The following NRXN3 variants were observed in gnomAD, a reference collection of about 807,000 sequenced individuals.
NRXN3 encodes neurexin III.
In NRXN3, 32 loss-of-function variants were observed where a neutral mutation model predicts 137.6. The ratio of observed to expected loss-of-function variants is 0.23; its 90% CI spans 0.18 to 0.31. The LOEUF (loss-of-function observed/expected upper bound fraction) is 0.31, where lower values mean the gene tolerates loss of function less well. Ranked by LOEUF, NRXN3 falls within the 10% of genes least tolerant of loss-of-function variation. The pLI is 1.00. For synonymous variants in NRXN3, 798 were observed against 784.5 expected (o/e 1.02, Z -0.29); for missense variants, 1,574 against 2,062.5 (o/e 0.76, Z 4.59).
At chr14:78,720,786 T>C (rs2098456200) in intron 8 of NRXN3, among the ~76,000 whole-genome samples, 1 of 152,230 alleles carries the variant, frequency 6.6e-6, no homozygotes, top group African/African-American at 2.4e-5. Flanking sequence ...TTAAAATTTC[T>C]ATATTCTCAA....
At chr14:78,341,982 G>T (rs1182550134) in intron 4 of NRXN3, among the ~76,000 whole-genome samples, 1 of 152,172 alleles carries the variant, frequency 6.6e-6, no homozygotes, top group Non-Finnish European at 1.5e-5. Flanking sequence ...TACACGTAAG[G>T]TGTGCTTGCC....
chr14:79,296,098 T>C (rs548360696), intron 15 of NRXN3, among the ~76,000 whole-genome samples: 4 of 152,266 alleles, frequency 2.6e-5, no homozygotes, highest in African/African-American at 9.6e-5. Flanking sequence ...TTGATGGTGA[T>C]TGTTTTCCTC....
At chr14:78,533,014 A>G (rs1374687487) in intron 4 of NRXN3, among the ~76,000 whole-genome samples, 4 of 149,474 alleles carry the variant, frequency 2.7e-5, no homozygotes, top group Non-Finnish European at 5.9e-5. Flanking sequence ...TTCTGCTACC[A>G]CTGCCTATAT....
At position 79,126,287 on chromosome 14, in the gene NRXN3, C is replaced by T. The variant is rs543937633; in HGVS notation, c.3262+138146C>T. 2.2e-4 allele frequency among the ~76,000 whole-genome samples: 33 copies of T among 152,080 alleles called. No homozygotes were observed. In the East Asian group the frequency reaches 3.7e-3, roughly 17 times the overall value. ...TGCGCTGCACCCACTAACTCGTCAT[C>T]TAGCATTAGGTATATCTCCCAATGC... On this transcript the variant is annotated intron_variant, in intron 15 of 20. Coordinates refer to ENST00000335750, the MANE Select transcript of NRXN3 (RefSeq NM_001330195.2).
intron 15 of NRXN3, among the ~76,000 whole-genome samples, chr14:79,228,483 C>T (rs2071490837): frequency 6.6e-6 from 1 of 152,110 alleles, no homozygotes; most frequent in South Asian, 2.1e-4. Context: ...TTGACTAAGA[C>T]AAAAGTTTAA....
At chr14:78,424,946 C>T (rs1021214385) in intron 4 of NRXN3, among the ~76,000 whole-genome samples, 1 of 152,212 alleles carries the variant, frequency 6.6e-6, no homozygotes, top group Non-Finnish European at 1.5e-5. Flanking sequence ...ATACTCTGGA[C>T]TCCTGTTGTG....
chr14:79,601,028 T>C (rs540443491), intron 16 of NRXN3, among the ~76,000 whole-genome samples: 19 of 150,880 alleles, frequency 1.3e-4, no homozygotes, highest in East Asian at 1.2e-3. Flanking sequence ...TTCTTGTTTT[T>C]TTCTTTGTTG....
At chr14:79,382,487 G>T (rs531738642) in intron 15 of NRXN3, among the ~76,000 whole-genome samples, 1 of 152,212 alleles carries the variant, frequency 6.6e-6, no homozygotes, top group African/African-American at 2.4e-5. Context: ...TGTTCTGTCA[G>T]TCGGTTGTCT....
chr14:79,490,163 A>C (rs547987931), intron 16 of NRXN3, among the ~76,000 whole-genome samples: 1 of 152,316 alleles, frequency 6.6e-6, no homozygotes, highest in East Asian at 1.9e-4. Flanking sequence ...ATAGGCAATA[A>C]CAAATGCTGG....
At chr14:78,873,661 C>T (rs967893239) in intron 10 of NRXN3, among the ~76,000 whole-genome samples, 2 of 152,168 alleles carry the variant, frequency 1.3e-5, no homozygotes, top group Non-Finnish European at 2.9e-5. Context: ...GCAGCAAAAG[C>T]ATATTTTTAG....
At chr14:79,742,352 T>C (rs973733718) in intron 19 of NRXN3, among the ~76,000 whole-genome samples, 4 of 152,196 alleles carry the variant, frequency 2.6e-5, no homozygotes, top group Non-Finnish European at 5.9e-5. Context: ...ATTCATTTGC[T>C]GCATAATTTA....
intron 2 of NRXN3, among the ~76,000 whole-genome samples, chr14:78,246,556 A>G (rs1054648349): frequency 6.6e-6 from 1 of 152,160 alleles, no homozygotes; most frequent in Non-Finnish European, 1.5e-5. Flanking sequence ...TTGAGGTGAG[A>G]GAGGATGTTG....
At chr14:79,030,049 C>CTTTTT (rs779570219) in intron 15 of NRXN3, among the ~76,000 whole-genome samples, 5 of 128,050 alleles carry the variant, frequency 3.9e-5, no homozygotes, top group African/African-American at 1.1e-4. Context: ...TTCTTTCTTT[C>CTTTTT]TTTTTTTTTT....
At chr14:78,470,717 A>G (rs2095246909) in intron 4 of NRXN3, among the ~76,000 whole-genome samples, 1 of 145,754 alleles carries the variant, frequency 6.9e-6, no homozygotes, top group South Asian at 2.1e-4. Flanking sequence ...GGAAATAAAG[A>G]AGAGATATTT....
At chr14:78,241,197 TG>T (rs1227198194) in intron 1 of NRXN3, among the ~76,000 whole-genome samples, 1 of 152,226 alleles carries the variant, frequency 6.6e-6, no homozygotes, top group Non-Finnish European at 1.5e-5. Context: ...TCAGTACTTT[TG>T]TTTTTACACA....
intron 15 of NRXN3, among the ~76,000 whole-genome samples, chr14:79,128,377 T>G (rs1234784642): frequency 6.7e-6 from 1 of 148,968 alleles, no homozygotes; most frequent in Non-Finnish European, 1.5e-5. Context: ...TTGAGAGTTT[T>G]TAGCATGAAG....
Position 78,645,101 on chromosome 14 carries a change from C to G in NRXN3, c.758-19C>G, listed in dbSNP as rs745743783. ...TGCCAGACAAGTGCTGATTGCTTTC[C>G]TCTTTTCTTTTCCTATAGCTCGAGA... On this transcript the variant is annotated intron_variant, in intron 4 of 20. Transcript: ENST00000335750. 1.3e-6 allele frequency: 2 copies of G among 1,525,102 alleles called. No homozygotes were observed. The highest frequency in any genetic ancestry group is 1.4e-5 in the African/African-American group (1 of 73,056). 94.5% of individuals were successfully genotyped at this position (1,525,102 alleles called of 1,614,324 possible).
At chr14:79,711,826 G>A (rs1165369135) in intron 19 of NRXN3, among the ~76,000 whole-genome samples, 1 of 152,144 alleles carries the variant, frequency 6.6e-6, no homozygotes, top group African/African-American at 2.4e-5. Flanking sequence ...GGTGAAGGGT[G>A]GCCCATATCC....
In NRXN3 at chr14:79,864,054, C is replaced by T. The variant is rs745945306; in HGVS notation, c.*2090C>T. ...AGGATTATAAAGAGATATCAAAGCA[C>T]GATTTTAGATAACCTAAACGGCCCA... On this transcript the variant is annotated 3_prime_UTR_variant, in exon 21 of 21. Transcript: ENST00000335750. The T allele has an allele frequency of 3.9e-5, 6 of 152,424 alleles. No homozygotes were observed. The highest frequency in any genetic ancestry group is 4.8e-5 in the African/African-American group (2 of 41,372). 9.4% of individuals were successfully genotyped at this position (152,424 alleles called of 1,614,324 possible).
Sources: gnomAD v4.1 joint callset for allele counts (sites outside exome capture counted in the v4.1 genomes callset) on GRCh38, gnomAD v4.1.1 for gene constraint, MANE v1.5 for transcripts, NCBI Gene and HGNC (gene_info 2026-07-23, HGNC 2026-07-21) for gene names.